Variants in MACROD2 observed in about 807,000 individuals in gnomAD.
MACROD2 encodes ADP-ribose glycohydrolase MACROD2.
In MACROD2, 36 loss-of-function variants were observed where a neutral mutation model predicts 70.4. The observed-to-expected ratio is 0.51, with a 90% CI of 0.39 to 0.68. The LOEUF (loss-of-function observed/expected upper bound fraction) is 0.68. Ranked by LOEUF, MACROD2 falls within the 30% of genes least tolerant of loss-of-function variation. The pLI, the probability that MACROD2 is intolerant of heterozygous loss-of-function variation, is 0.00. For synonymous variants in MACROD2, 172 were observed against 178.8 expected (o/e 0.96, Z 0.30); for missense variants, 496 against 538.4 (o/e 0.92, Z 0.78).
intron 5 of MACROD2, among the ~76,000 whole-genome samples, chr20:14,918,206 G>A (rs2074117021): frequency 6.6e-6 from 1 of 152,090 alleles, no homozygotes; most frequent in Non-Finnish European, 1.5e-5. Flanking sequence ...AAACTCCTGG[G>A]TTCAAGCAAT....
intron 5 of MACROD2, among the ~76,000 whole-genome samples, chr20:15,221,928 A>G (rs1378603545): frequency 6.6e-6 from 1 of 152,204 alleles, no homozygotes; most frequent in Non-Finnish European, 1.5e-5. Flanking sequence ...CAACTGTAAA[A>G]TGCAAATGTT....
intron 5 of MACROD2, among the ~76,000 whole-genome samples, chr20:15,047,380 A>G (rs2075403234): frequency 6.6e-6 from 1 of 152,154 alleles, no homozygotes; most frequent in Admixed American, 6.5e-5. Context: ...AGGACAAAAC[A>G]CTTACTGGCA....
intron 2 of MACROD2, among the ~76,000 whole-genome samples, chr20:14,028,187 A>C (rs748474022): frequency 2.5e-4 from 38 of 152,160 alleles, no homozygotes; most frequent in Non-Finnish European, 4.7e-4. Flanking sequence ...CCTAGTTTGA[A>C]GTTCCTGGCG....
chr20:14,163,460 T>C (rs1381965158), intron 3 of MACROD2, among the ~76,000 whole-genome samples: 1 of 152,106 alleles, frequency 6.6e-6, no homozygotes, highest in Non-Finnish European at 1.5e-5. Context: ...TGTTTGGGGA[T>C]CTGTGCACCT....
chr20:14,956,456 T>C (rs780574867), intron 5 of MACROD2, among the ~76,000 whole-genome samples: 2 of 152,182 alleles, frequency 1.3e-5, no homozygotes, highest in Non-Finnish European at 2.9e-5. Flanking sequence ...GTGGAATTTT[T>C]GTTTTCCTTA....
intron 12 of MACROD2, among the ~76,000 whole-genome samples, chr20:15,938,375 G>T (rs1223035177): frequency 1.3e-5 from 2 of 152,172 alleles, no homozygotes; most frequent in African/African-American, 2.4e-5. Context: ...CCAACAGCAT[G>T]TGCTCATTTC....
intron 3 of MACROD2, among the ~76,000 whole-genome samples, chr20:14,301,028 T>G (rs12106261): frequency 0.015 from 2,298 of 152,356 alleles, 24 homozygotes; most frequent in African/African-American, 0.027. Context: ...ACTTTTTACC[T>G]ATTAATGTAG....
chr20:14,190,172 G>T (rs1345296962), intron 3 of MACROD2, among the ~76,000 whole-genome samples: 1 of 152,052 alleles, frequency 6.6e-6, no homozygotes, highest in African/African-American at 2.4e-5. Flanking sequence ...ACTTCTTTAG[G>T]CTCTAATTCT....
chr20:14,581,999 G>A (rs898231759), intron 4 of MACROD2, among the ~76,000 whole-genome samples: 8 of 152,100 alleles, frequency 5.3e-5, no homozygotes, highest in Non-Finnish European at 1.2e-4. Flanking sequence ...TTAAACGTCA[G>A]TTGCTCACGT....
intron 8 of MACROD2, among the ~76,000 whole-genome samples, chr20:15,852,092 G>C (rs888506617): frequency 6.6e-6 from 1 of 152,162 alleles, no homozygotes; most frequent in Admixed American, 6.5e-5. Context: ...GTGTGTGCAC[G>C]TGTCTGTTCC....
chr20:14,374,722 G>A (rs769631084), intron 3 of MACROD2, among the ~76,000 whole-genome samples: 37 of 152,084 alleles, frequency 2.4e-4, no homozygotes, highest in Non-Finnish European at 4.4e-4. Flanking sequence ...TTTTCTGCAC[G>A]TCTGTGTTTT....
intron 3 of MACROD2, among the ~76,000 whole-genome samples, chr20:14,253,557 G>C (rs564531297): frequency 6.6e-6 from 1 of 152,116 alleles, no homozygotes; most frequent in South Asian, 2.1e-4. Flanking sequence ...TTTCATAAAA[G>C]CTACTTTAAA....
chr20:14,916,397 A>G (rs1201689989), intron 5 of MACROD2, among the ~76,000 whole-genome samples: 2 of 152,196 alleles, frequency 1.3e-5, no homozygotes, highest in African/African-American at 4.8e-5. Flanking sequence ...TAGGTTAAAA[A>G]CAAAAACTTG....
chr20:15,380,693 T>C (rs1362701755), intron 6 of MACROD2, among the ~76,000 whole-genome samples: 1 of 152,140 alleles, frequency 6.6e-6, no homozygotes, highest in Non-Finnish European at 1.5e-5. Context: ...AAATTAGCCA[T>C]GATGGAACTG....
chr20:15,346,875 A>C (rs888635301), intron 6 of MACROD2, among the ~76,000 whole-genome samples: 1 of 152,132 alleles, frequency 6.6e-6, no homozygotes, highest in African/African-American at 2.4e-5. Context: ...GGAGATTCCA[A>C]TGGGAGTATA....
intron 8 of MACROD2, among the ~76,000 whole-genome samples, chr20:15,571,365 A>G (rs1371643643): frequency 6.6e-6 from 1 of 151,896 alleles, no homozygotes; most frequent in Non-Finnish European, 1.5e-5. Context: ...GGTTTATTTT[A>G]CAGATGTATC....
At chr20:14,471,630 AT>A in intron 3 of MACROD2, among the ~76,000 whole-genome samples, 1 of 152,116 alleles carries the variant, frequency 6.6e-6, no homozygotes. Flanking sequence ...GTTCATGCGA[AT>A]TTTACTAATT....
chr20:14,664,424 A>G (rs2070714425), intron 4 of MACROD2, among the ~76,000 whole-genome samples: 1 of 152,194 alleles, frequency 6.6e-6, no homozygotes, highest in Non-Finnish European at 1.5e-5. Flanking sequence ...TCTTTGAAAG[A>G]GAAAGTCATC....
At chr20:14,655,130 T>C (rs970218881) in intron 4 of MACROD2, among the ~76,000 whole-genome samples, 3 of 152,170 alleles carry the variant, frequency 2.0e-5, no homozygotes, top group Non-Finnish European at 4.4e-5. Flanking sequence ...GTTTCTTTCT[T>C]TGGTAACTGA....
Sources: allele counts gnomAD v4.1 joint callset (sites outside exome capture counted in the v4.1 genomes callset), GRCh38; gene constraint gnomAD v4.1.1; transcripts MANE v1.5; gene names NCBI Gene and HGNC (gene_info 2026-07-23, HGNC 2026-07-21).